Variants in AFF2 observed in about 807,000 individuals in gnomAD.
AFF2 encodes AF4/FMR2 family member 2.
AFF2 carries 14 observed loss-of-function variants against 76.9 expected under a neutral mutation model. That is an observed-to-expected ratio of 0.18 (90% CI 0.12 to 0.28). The LOEUF (loss-of-function observed/expected upper bound fraction) is 0.28, where lower values mean the gene tolerates loss of function less well. Among genes scored for constraint, AFF2 ranks in the 10% least tolerant of loss-of-function variants. The pLI is 1.00. For synonymous variants in AFF2, 398 were observed against 366.7 expected (o/e 1.09, Z -0.98); for missense variants, 868 against 1,001.1 (o/e 0.87, Z 1.79).
At chrX:148,785,133 G>A (rs1557269399) in intron 3 of AFF2, among the ~76,000 whole-genome samples, 1 of 112,380 alleles carries the variant, frequency 8.9e-6, no homozygotes, top group Non-Finnish European at 1.9e-5. Context: ...GCATGCGCAT[G>A]CACATATACA....
intron 7 of AFF2, among the ~76,000 whole-genome samples, chrX:148,846,334 G>A (rs1557274748): frequency 9.0e-6 from 1 of 111,507 alleles, no homozygotes; most frequent in Non-Finnish European, 1.9e-5. Context: ...TATTGTGGGG[G>A]AAAGCACTGA....
chrX:148,737,420 G>C (rs782715992), intron 3 of AFF2, among the ~76,000 whole-genome samples: 11 of 111,364 alleles, frequency 9.9e-5, no homozygotes, highest in African/African-American at 3.6e-4. Flanking sequence ...TCTTTGCTTG[G>C]TCGCTGTGGT....
In AFF2 at chrX:148,652,023, A is replaced by G; in HGVS notation, c.72A>G (p.Ala24=). ...QQCHYEQDRS[A]LKKREWERRN... The stretch of plus-strand genomic sequence containing the variant: ...GTCACTATGAACAAGACCGTAGTGC[A>G]CTTAAAAAAAGGGAATGGGAGCGGA... The change falls in exon 2 of 21, where the codon GCA becomes GCG. Residue 24 remains alanine (A), a synonymous_variant. Transcript: ENST00000370460. 2 of 1,204,230 alleles carry G rather than the reference A, an allele frequency of 1.7e-6. No homozygotes were observed. The highest frequency in any genetic ancestry group is 2.2e-6 in the Non-Finnish European group (2 of 890,273).
chrX:148,762,018 T>G lies in AFF2; in HGVS notation c.1042-47858T>G, dbSNP rs1022752818. Among the ~76,000 whole-genome samples the G allele has an allele frequency of 5.5e-5, 6 of 110,027 alleles. No homozygotes were observed. In the East Asian group the frequency reaches 1.1e-3, roughly 21 times the overall value. On this transcript the variant is annotated intron_variant, in intron 3 of 20. Coordinates refer to ENST00000370460, the MANE Select transcript of AFF2 (RefSeq NM_002025.4). ...ATATAGATATAGATATAGATAGATA[T>G]ATATTTTAGGAGAACTGTTGATTAT...
chrX:148,971,924 T>A (rs1318543426), intron 15 of AFF2, among the ~76,000 whole-genome samples: 2 of 25,340 alleles, frequency 7.9e-5, no homozygotes, highest in Non-Finnish European at 1.4e-4. Flanking sequence ...CCCTCCCCCC[T>A]CCCCCGACCC....
chrX:148,860,674 G>A (rs1479507504), intron 7 of AFF2, among the ~76,000 whole-genome samples: 1 of 111,922 alleles, frequency 8.9e-6, no homozygotes, highest in Non-Finnish European at 1.9e-5. Context: ...AAACAAATGT[G>A]TTTAATCTTT....
intron 17 of AFF2, 90 bp downstream of exon 17, chrX:148,978,094 C>T: frequency 1.6e-6 from 1 of 642,003 alleles, no homozygotes. Context: ...TACCCCAGAT[C>T]ATTACTCTTG....
intron 3 of AFF2, among the ~76,000 whole-genome samples, chrX:148,699,260 A>G (rs1557261597): frequency 8.9e-6 from 1 of 112,067 alleles, no homozygotes; most frequent in Admixed American, 9.4e-5. Flanking sequence ...TGTATGTGCA[A>G]TGTGTGTGCT....
chrX:148,663,402 CA>C (rs1266846351), intron 3 of AFF2, among the ~76,000 whole-genome samples: 1 of 112,169 alleles, frequency 8.9e-6, no homozygotes, highest in Non-Finnish European at 1.9e-5. Context: ...TCTGTCAAAG[CA>C]AAAAGCATTA....
At chrX:148,815,114 G>A (rs1238445029) in intron 4 of AFF2, among the ~76,000 whole-genome samples, 1 of 111,573 alleles carries the variant, frequency 9.0e-6, no homozygotes, top group African/African-American at 3.3e-5. Context: ...ATTTGGATGT[G>A]GACTTTTAAA....
At position 148,694,180 on chromosome X, in the gene AFF2, G is replaced by T. The variant is rs7883760; in HGVS notation, c.1041+31412G>T. ...TCTGGGGACTGTTGTGGGGTCGGGG[G>T]GGGGGAGGGATAGCATTGGGAGATA... On this transcript the variant is annotated intron_variant, in intron 3 of 20. Coordinates refer to ENST00000370460, the MANE Select transcript of AFF2 (RefSeq NM_002025.4). Among the ~76,000 whole-genome samples, 22 of 103,026 alleles carry T rather than the reference G, an allele frequency of 2.1e-4. 1 individual carries two copies. Among genetic ancestry groups the T allele is most frequent in the South Asian group, 4.8e-4 (1 of 2,072 alleles). 89.5% of individuals were successfully genotyped at this position (103,026 alleles called of 115,157 possible). A position where few individuals can be genotyped will look rare whatever the true frequency, so the allele number is the denominator to read the frequency against.
intron 1 of AFF2, chrX:148,547,477 A>C (rs2052935220): frequency 8.9e-6 from 1 of 112,032 alleles, no homozygotes; most frequent in African/African-American, 3.2e-5. Flanking sequence ...AACTAGCTGA[A>C]AGTAAGAAGG....
intron 7 of AFF2, among the ~76,000 whole-genome samples, chrX:148,855,493 A>T (rs2070777370): frequency 8.9e-6 from 1 of 112,218 alleles, no homozygotes; most frequent in Admixed American, 9.4e-5. Context: ...ACAGATAACC[A>T]GAAAATATTC....
chrX:148,921,277 T>A (rs782455217), intron 9 of AFF2, among the ~76,000 whole-genome samples: 4 of 112,324 alleles, frequency 3.6e-5, no homozygotes, highest in Non-Finnish European at 7.5e-5. Flanking sequence ...ATAATTCACA[T>A]ATCATACAGT....
chrX:148,931,017 C>T (rs1220460012), intron 9 of AFF2, among the ~76,000 whole-genome samples: 3 of 111,167 alleles, frequency 2.7e-5, no homozygotes, highest in African/African-American at 9.8e-5. Context: ...GTTTGGGAGG[C>T]CGAGGTGGGT....
intron 16 of AFF2, 95 bp from the exon 17 acceptor site, chrX:148,977,838 G>C (rs1462847912): frequency 1.6e-6 from 1 of 636,377 alleles, no homozygotes; most frequent in Non-Finnish European, 2.6e-6. Context: ...AACAAATGTG[G>C]GAATAACTCA....
chrX:148,903,462 T>C (rs1557281088), intron 8 of AFF2, among the ~76,000 whole-genome samples: 2 of 111,559 alleles, frequency 1.8e-5, no homozygotes, highest in African/African-American at 3.3e-5. Flanking sequence ...ATGATCTGAG[T>C]TGTTTCTTCT....
intron 1 of AFF2, among the ~76,000 whole-genome samples, chrX:148,647,912 C>A (rs782127198): frequency 9.0e-6 from 1 of 111,477 alleles, no homozygotes; most frequent in South Asian, 3.8e-4. Context: ...TACCACTGTG[C>A]GCTAATGAAG....
intron 9 of AFF2, among the ~76,000 whole-genome samples, chrX:148,911,870 A>G (rs963522169): frequency 8.9e-6 from 1 of 112,036 alleles, no homozygotes; most frequent in South Asian, 3.8e-4. Flanking sequence ...ATTCGGCCCA[A>G]CAATCCCATT....
Sources: allele counts gnomAD v4.1 joint callset (sites outside exome capture counted in the v4.1 genomes callset), GRCh38; gene constraint gnomAD v4.1.1; transcripts MANE v1.5; gene names NCBI Gene and HGNC (gene_info 2026-07-23, HGNC 2026-07-21).